DLC1: variants seen among roughly 807,000 people sequenced by gnomAD.
DLC1 encodes the protein DLC1 Rho GTPase activating protein, also known as rho GTPase-activating protein 7.
A neutral mutation model predicts 140.3 loss-of-function variants in DLC1; 54 were observed. That is an observed-to-expected ratio of 0.38 (90% CI 0.31 to 0.48). The LOEUF is 0.48. Among genes scored for constraint, DLC1 ranks in the 20% least tolerant of loss-of-function variants. The pLI, the probability that DLC1 is intolerant of heterozygous loss-of-function variation, is 0.96. For synonymous variants in DLC1, 986 were observed against 728.1 expected (o/e 1.35, Z -5.70); for missense variants, 2,536 against 1,907.0 (o/e 1.33, Z -6.14).
intron 5 of DLC1, among the ~76,000 whole-genome samples, chr8:13,157,082 T>C (rs1321447711): frequency 6.6e-6 from 1 of 152,242 alleles, no homozygotes; most frequent in East Asian, 1.9e-4. Flanking sequence ...AACTTTGTCA[T>C]GCGTGTCACG....
intron 1 of DLC1, 38 bp from the exon 2 acceptor site, chr8:13,500,234 C>G (rs533355446): frequency 1.7e-6 from 1 of 594,446 alleles, no homozygotes; most frequent in African/African-American, 1.8e-5. Flanking sequence ...GTCGCAGATA[C>G]GTTTCTAAAG....
chr8:13,097,922 G>A (rs991101624), intron 10 of DLC1, among the ~76,000 whole-genome samples: 18 of 151,116 alleles, frequency 1.2e-4, no homozygotes, highest in Middle Eastern at 3.4e-3. Flanking sequence ...GGTGGCTCAC[G>A]CCTGTAATTC....
intron 5 of DLC1, among the ~76,000 whole-genome samples, chr8:13,176,588 AAC>A (rs1018301701): frequency 7.2e-5 from 11 of 152,042 alleles, no homozygotes; most frequent in Admixed American, 6.6e-4. Flanking sequence ...CAAACAAACA[AAC>A]ACACAAAACC....
chr8:13,451,678 T>A (rs142935447), intron 2 of DLC1, among the ~76,000 whole-genome samples: 1 of 152,308 alleles, frequency 6.6e-6, no homozygotes, highest in Non-Finnish European at 1.5e-5. Flanking sequence ...TCCATCCATG[T>A]TGAAAATGAC....
At chr8:13,414,473 C>T (rs7826429) in intron 2 of DLC1, among the ~76,000 whole-genome samples, 20,555 of 152,108 alleles carry the variant, frequency 0.14, 1,889 homozygotes, top group East Asian at 0.39. Flanking sequence ...TCTGTTCTTC[C>T]TATGACTCAT....
At chr8:13,440,376 G>A (rs780573408) in intron 2 of DLC1, among the ~76,000 whole-genome samples, 1 of 152,094 alleles carries the variant, frequency 6.6e-6, no homozygotes, top group Admixed American at 6.5e-5. Context: ...TTGAAAACAT[G>A]TTAACAAACA....
intron 1 of DLC1, among the ~76,000 whole-genome samples, chr8:13,562,865 T>C (rs571241784): frequency 9.2e-5 from 14 of 151,968 alleles, no homozygotes; most frequent in Non-Finnish European, 1.9e-4. Context: ...ATGATGTCTA[T>C]ATGCTGTTGT....
chr8:13,196,095 T>TAC (rs59429334), intron 5 of DLC1, among the ~76,000 whole-genome samples: 8,016 of 147,040 alleles, frequency 0.055, 260 homozygotes, highest in African/African-American at 0.11. Context: ...TCTGTATTGA[T>TAC]ACACACACAC....
chr8:13,572,319 G>C (rs1053610790), intron 1 of DLC1, among the ~76,000 whole-genome samples: 2 of 152,012 alleles, frequency 1.3e-5, no homozygotes, highest in African/African-American at 2.4e-5. Context: ...TCGATCTCCT[G>C]ACCTTGTGAT....
intron 5 of DLC1, among the ~76,000 whole-genome samples, chr8:13,302,302 C>T (rs1157889534): frequency 6.6e-6 from 1 of 152,218 alleles, no homozygotes; most frequent in East Asian, 1.9e-4. Flanking sequence ...TTGTTCATAA[C>T]TGCTTCCTCA....
chr8:13,501,256 A>G (rs1449379748), intron 1 of DLC1, among the ~76,000 whole-genome samples: 4 of 152,208 alleles, frequency 2.6e-5, no homozygotes, highest in African/African-American at 7.2e-5. Flanking sequence ...GCATAAGACA[A>G]GCTTAGAATA....
chr8:13,328,382 G>A (rs1032174403), intron 4 of DLC1, among the ~76,000 whole-genome samples: 2 of 152,154 alleles, frequency 1.3e-5, no homozygotes, highest in Non-Finnish European at 2.9e-5. Context: ...GGTGTATTTT[G>A]GTTCTGGGTT....
At chr8:13,245,406 CAAT>C (rs970312566) in intron 5 of DLC1, among the ~76,000 whole-genome samples, 176 of 152,328 alleles carry the variant, frequency 1.2e-3, no homozygotes, top group African/African-American at 4.2e-3. Context: ...GCTGTGAGCA[CAAT>C]AAGTGGTTGT....
At chr8:13,311,905 T>C (rs1832676015) in intron 4 of DLC1, among the ~76,000 whole-genome samples, 1 of 152,206 alleles carries the variant, frequency 6.6e-6, no homozygotes. Context: ...TATTTAAAGC[T>C]GGTGACTCTG....
chr8:13,232,142 A>G (rs1245546621), intron 5 of DLC1, among the ~76,000 whole-genome samples: 14 of 152,142 alleles, frequency 9.2e-5, no homozygotes, highest in Non-Finnish European at 1.5e-5. Context: ...ATTTAGGGTC[A>G]GTGGCAAAAC....
intron 5 of DLC1, among the ~76,000 whole-genome samples, chr8:13,117,569 G>C (rs142841089): frequency 1.2e-3 from 185 of 152,276 alleles, no homozygotes; most frequent in African/African-American, 4.4e-3. Flanking sequence ...AAGGCTGTTT[G>C]TCTTTAAAAA....
chr8:13,086,484 G>A, intron 16 of DLC1, 21 bp from the exon 17 acceptor site: 2 of 1,602,786 alleles, frequency 1.2e-6, no homozygotes, highest in Non-Finnish European at 1.7e-6. Context: ...AAAACCAGAG[G>A]CAGAAATGAT....
At chr8:13,380,888 C>T (rs973591419) in intron 4 of DLC1, among the ~76,000 whole-genome samples, 7 of 152,168 alleles carry the variant, frequency 4.6e-5, no homozygotes, top group African/African-American at 1.7e-4. Flanking sequence ...AATTGAGATT[C>T]TTGCACGATT....
chr8:13,405,002 C>T (rs1837460385), intron 2 of DLC1, among the ~76,000 whole-genome samples: 1 of 151,508 alleles, frequency 6.6e-6, no homozygotes, highest in Admixed American at 6.6e-5. Flanking sequence ...AGTGAAACTC[C>T]ATCTCAGATA....
Sources: gnomAD v4.1 joint callset for allele counts (sites outside exome capture counted in the v4.1 genomes callset) on GRCh38, gnomAD v4.1.1 for gene constraint, MANE v1.5 for transcripts, NCBI Gene and HGNC (gene_info 2026-07-23, HGNC 2026-07-21) for gene names.